Variants in SLC39A9 observed in about 807,000 individuals in gnomAD.
SLC39A9 encodes zinc transporter ZIP9.
SLC39A9 carries 14 observed loss-of-function variants against 28.4 expected under a neutral mutation model. That is an observed-to-expected ratio of 0.49 (90% CI 0.33 to 0.77). SLC39A9 has a LOEUF of 0.77. Among genes scored for constraint, SLC39A9 ranks in the 30% least tolerant of loss-of-function variants. The pLI, the probability that SLC39A9 is intolerant of heterozygous loss-of-function variation, is 0.02. For missense variants in SLC39A9, 283 were observed against 381.1 expected (o/e 0.74, Z 2.14); for synonymous variants, 119 against 149.6 (o/e 0.80, Z 1.49).
At chr14:69,437,724 G>GATTAT (rs1884845712) in intron 2 of SLC39A9, among the ~76,000 whole-genome samples, 1 of 151,868 alleles carries the variant, frequency 6.6e-6, no homozygotes, top group South Asian at 2.1e-4. Flanking sequence ...AAGTAACTGG[G>GATTAT]ATTATAGGTG....
At chr14:69,446,884 A>G (rs972253989) in intron 3 of SLC39A9, among the ~76,000 whole-genome samples, 2 of 148,546 alleles carry the variant, frequency 1.3e-5, no homozygotes, top group East Asian at 2.0e-4. Context: ...AAAAAAAAAA[A>G]AAAAAGAAAA....
chr14:69,447,980 C>T (rs1266370690), intron 3 of SLC39A9, among the ~76,000 whole-genome samples: 31 of 150,742 alleles, frequency 2.1e-4, no homozygotes, highest in Non-Finnish European at 3.8e-4. Context: ...TTTGGGAGGC[C>T]GAGGCAGGTG....
At chr14:69,421,032 A>G (rs924232206) in intron 1 of SLC39A9, among the ~76,000 whole-genome samples, 2 of 152,208 alleles carry the variant, frequency 1.3e-5, no homozygotes, top group Non-Finnish European at 2.9e-5. Flanking sequence ...GCTTTGATCC[A>G]TTGCTGGCGA....
intron 2 of SLC39A9, among the ~76,000 whole-genome samples, chr14:69,433,087 G>C (rs181332115): frequency 6.6e-6 from 1 of 152,238 alleles, no homozygotes; most frequent in African/African-American, 2.4e-5. Context: ...TTGGTAGTTT[G>C]ATATAACATT....
chr14:69,454,249 A>G, intron 4 of SLC39A9, among the ~76,000 whole-genome samples: 1 of 152,216 alleles, frequency 6.6e-6, no homozygotes, highest in East Asian at 1.9e-4. Context: ...AATCATCTAT[A>G]TAGAGTTCTA....
rs61361699 is a variant in SLC39A9, at chr14:69,459,556, GT to G, written c.*977del. 0.39 allele frequency: 325,953 copies of G among 841,300 alleles called. 21,459 individuals carry two copies. The highest frequency in any genetic ancestry group is 0.44 in the Middle Eastern group (749 of 1,686). 52.1% of individuals were successfully genotyped at this position (841,300 alleles called of 1,614,324 possible). On this transcript the variant is annotated 3_prime_UTR_variant, in exon 7 of 7. Coordinates refer to ENST00000336643, the MANE Select transcript of SLC39A9 (RefSeq NM_018375.5). ...AAATGTATGGTTGTCCTTTTTTTTT[GT>G]TTTTTTTTTTTTTAATTATTTCTCT... is the stretch of plus-strand genomic sequence containing the variant.
In SLC39A9 at chr14:69,460,583, ATAT is replaced by A. The variant is rs1353564683; in HGVS notation, c.*1992_*1994del. On this transcript the variant is annotated 3_prime_UTR_variant, in exon 7 of 7. Coordinates refer to ENST00000336643, the MANE Select transcript of SLC39A9 (RefSeq NM_018375.5). ...GGTTTGGACAGTAGTGCTTTCTATCATATTGTTGTGTGCAATGGTAATTTGTTC... is the reference window on the plus strand; with the variant it reads ...GGTTTGGACAGTAGTGCTTTCTATCATGTTGTGTGCAATGGTAATTTGTTC... The A allele has an allele frequency of 1.0e-6, 1 of 985,296 alleles. No individual in the cohort carries two copies. Among genetic ancestry groups the A allele is most frequent in the Non-Finnish European group, 1.2e-6 (1 of 829,934 alleles). 61.0% of individuals were successfully genotyped at this position (985,296 alleles called of 1,614,324 possible). A position where few individuals can be genotyped will look rare whatever the true frequency, so the allele number is the denominator to read the frequency against.
At chr14:69,442,012 A>T (rs546990548) in intron 2 of SLC39A9, 57 bp from the exon 3 acceptor site, 1 of 1,568,594 alleles carries the variant, frequency 6.4e-7, no homozygotes, top group East Asian at 2.3e-5. Context: ...AAACTCCTAC[A>T]TGAAAATGTT....
intron 1 of SLC39A9, among the ~76,000 whole-genome samples, chr14:69,404,921 G>A (rs1052750562): frequency 6.6e-6 from 1 of 152,180 alleles, no homozygotes; most frequent in African/African-American, 2.4e-5. Context: ...AAACGAAAGA[G>A]GTTTGATTGA....
Position 69,458,931 on chromosome 14 carries a change from G to C in SLC39A9, c.*338G>C, listed in dbSNP as rs147099348. 4.8e-6 allele frequency: 5 copies of C among 1,037,360 alleles called. No individual in the cohort carries two copies. The highest frequency in any genetic ancestry group is 5.8e-6 in the Non-Finnish European group (5 of 862,340). The allele number at this position is 1,037,360 out of a possible 1,614,324, so 64.3% of individuals were successfully genotyped here. Reference sequence around the variant, plus strand: ...AGAACTTCATACTCACAATGAAATAGTGATTATGAAAATACAGTGTTCTGT... The same window carrying C: ...AGAACTTCATACTCACAATGAAATACTGATTATGAAAATACAGTGTTCTGT... On this transcript the variant is annotated 3_prime_UTR_variant, in exon 7 of 7. Transcript: ENST00000336643.
chr14:69,412,967 T>C (rs1594906897), intron 1 of SLC39A9, among the ~76,000 whole-genome samples: 2 of 152,222 alleles, frequency 1.3e-5, no homozygotes, highest in East Asian at 3.8e-4. Flanking sequence ...TCAAATTCTT[T>C]GTTTCTGAAT....
intron 2 of SLC39A9, 149 bp from the exon 3 acceptor site, chr14:69,441,920 G>T: frequency 5.7e-6 from 8 of 1,415,642 alleles, no homozygotes; most frequent in Non-Finnish European, 6.4e-6. Context: ...TAAGTTGAAG[G>T]AGTTAATGAT....
In SLC39A9 at chr14:69,458,635, A is replaced by G; in HGVS notation, c.*42A>G. ...CTTGGTCCAGGGCCGTTTGCCATCC[A>G]GTGAGAACAGCCGGCACGTGACAGC... On this transcript the variant is annotated 3_prime_UTR_variant, in exon 7 of 7. Transcript: ENST00000336643. The G allele has an allele frequency of 1.3e-6, 2 of 1,538,454 alleles. No individual in the cohort carries two copies. The highest frequency in any genetic ancestry group is 2.4e-5 in the South Asian group (2 of 83,838).
At chr14:69,433,267 A>G (rs1430117861) in intron 2 of SLC39A9, among the ~76,000 whole-genome samples, 1 of 152,044 alleles carries the variant, frequency 6.6e-6, no homozygotes, top group African/African-American at 2.4e-5. Flanking sequence ...CAAATGTTGA[A>G]CTAGACTTGC....
In SLC39A9 at chr14:69,442,234, A is replaced by G. The variant is rs1885082999; in HGVS notation, c.371A>G (p.Gln124Arg). 18 of 1,614,062 alleles carry G rather than the reference A, an allele frequency of 1.1e-5. No individual in the cohort carries two copies. Among genetic ancestry groups the G allele is most frequent in the Non-Finnish European group, 1.4e-5 (17 of 1,180,036 alleles). ...TTCGTTTTCATGTTGCTGGTGGACC[A>G]GATTGGTAACTCCCATGTGCATTCT... The part of the protein sequence containing the change: ...LGFVFMLLVD[Q>R]IGNSHVHSTD... Residue 124 changes from glutamine to arginine, a missense_variant, in exon 3 of 7, where the codon CAG becomes CGG. By Grantham distance (43) the Gln-to-Arg change is conservative. Coordinates refer to ENST00000336643, the MANE Select transcript of SLC39A9 (RefSeq NM_018375.5).
chr14:69,413,240 C>CGT (rs1883374134), intron 1 of SLC39A9, among the ~76,000 whole-genome samples: 4 of 152,038 alleles, frequency 2.6e-5, no homozygotes, highest in Admixed American at 2.0e-4. Flanking sequence ...CGTGTAGTCC[C>CGT]AGCTACTCGG....
intron 2 of SLC39A9, among the ~76,000 whole-genome samples, chr14:69,432,233 G>GA (rs776794744): frequency 1.3e-5 from 2 of 152,036 alleles, no homozygotes; most frequent in Non-Finnish European, 2.9e-5. Flanking sequence ...GTTGTTTTTT[G>GA]ACTTTTTAAT....
At chr14:69,440,571 C>T (rs1884995619) in intron 2 of SLC39A9, among the ~76,000 whole-genome samples, 1 of 151,866 alleles carries the variant, frequency 6.6e-6, no homozygotes, top group Admixed American at 6.6e-5. Context: ...GGTGAAAGGG[C>T]CATACCTGTC....
Position 69,461,928 on chromosome 14 carries a change from C to T in SLC39A9, c.*3335C>T. 1 of 544,046 alleles carries T rather than the reference C, an allele frequency of 1.8e-6. No individual in the cohort carries two copies. Among genetic ancestry groups the T allele is most frequent in the Admixed American group, 3.3e-5 (1 of 30,692 alleles). 33.7% of individuals were successfully genotyped at this position (544,046 alleles called of 1,614,324 possible). ...GTAGTTGTTCTGCAGAGGAACCTTC[C>T]TTCCATTAGAAAATTTCTGCTCAAT... is the stretch of plus-strand genomic sequence containing the variant. On this transcript the variant is annotated 3_prime_UTR_variant, in exon 7 of 7. Coordinates refer to ENST00000336643, the MANE Select transcript of SLC39A9 (RefSeq NM_018375.5).
Sources: allele counts gnomAD v4.1 joint callset (sites outside exome capture counted in the v4.1 genomes callset), GRCh38; gene constraint gnomAD v4.1.1; transcripts MANE v1.5; gene names NCBI Gene and HGNC (gene_info 2026-07-23, HGNC 2026-07-21).